Variants in GABPB1 observed in about 807,000 individuals in gnomAD.
The protein encoded by GABPB1 is GA binding protein transcription factor subunit beta 1.
A neutral mutation model predicts 45.9 loss-of-function variants in GABPB1; 15 were observed. The observed-to-expected ratio is 0.33, with a 90% CI of 0.22 to 0.50. GABPB1 has a LOEUF of 0.50. Among genes scored for constraint, GABPB1 ranks in the 20% least tolerant of loss-of-function variants. GABPB1 has a pLI of 0.98. For missense variants in GABPB1, 252 were observed against 457.5 expected (o/e 0.55, Z 4.10); for synonymous variants, 143 against 154.4 (o/e 0.93, Z 0.55).
chr15:50,281,198 T>C (rs527692547), intron 8 of GABPB1, among the ~76,000 whole-genome samples: 31 of 152,346 alleles, frequency 2.0e-4, no homozygotes, highest in African/African-American at 6.0e-4. Flanking sequence ...AGATTGAAAG[T>C]ATAATTAACA....
At chr15:50,306,933 A>T (rs528385667) in intron 2 of GABPB1, among the ~76,000 whole-genome samples, 1 of 152,228 alleles carries the variant, frequency 6.6e-6, no homozygotes, top group East Asian at 1.9e-4. Flanking sequence ...CCATTGAATG[A>T]GTAAACCACA....
At chr15:50,299,975 CCTGA>C (rs1205149110) in intron 6 of GABPB1, among the ~76,000 whole-genome samples, 1 of 151,902 alleles carries the variant, frequency 6.6e-6, no homozygotes, top group African/African-American at 2.4e-5. Flanking sequence ...GACCACCACA[CCTGA>C]CTAATTTTTA....
intron 1 of GABPB1, among the ~76,000 whole-genome samples, chr15:50,317,433 C>A (rs72738919): frequency 0.29 from 41,047 of 143,986 alleles, 7,146 homozygotes; most frequent in Middle Eastern, 0.43. Flanking sequence ...AAAAAAAAAA[C>A]CACTTGGAAA....
At chr15:50,346,331 C>G (rs1009180171) in intron 1 of GABPB1, 2 of 152,100 alleles carry the variant, frequency 1.3e-5, no homozygotes, top group African/African-American at 4.8e-5. Context: ...AATTGTTCAG[C>G]GTAAATTTAT....
At chr15:50,347,876 C>T (rs1005920260) in intron 1 of GABPB1, among the ~76,000 whole-genome samples, 2 of 151,854 alleles carry the variant, frequency 1.3e-5, no homozygotes, top group African/African-American at 2.4e-5. Flanking sequence ...GCCAACATGG[C>T]TAAACCCCGT....
intron 6 of GABPB1, 110 bp downstream of exon 6, chr15:50,300,679 A>G: frequency 1.5e-6 from 1 of 668,460 alleles, no homozygotes; most frequent in Non-Finnish European, 2.7e-6. Context: ...TCCTGAGCTC[A>G]GGCAATCCAC....
chr15:50,351,556 T>A (rs2048825022), intron 1 of GABPB1: 1 of 150,894 alleles, frequency 6.6e-6, no homozygotes, highest in South Asian at 2.1e-4. Flanking sequence ...TAAGCCTGGG[T>A]AACAGAGAAA....
chr15:50,341,456 C>G (rs2048374140), intron 1 of GABPB1, among the ~76,000 whole-genome samples: 1 of 151,932 alleles, frequency 6.6e-6, no homozygotes, highest in East Asian at 1.9e-4. Flanking sequence ...TCACTTGAAC[C>G]TGGGAGGTGA....
chr15:50,325,798 T>C (rs2047735077), intron 1 of GABPB1, among the ~76,000 whole-genome samples: 1 of 151,580 alleles, frequency 6.6e-6, no homozygotes, highest in South Asian at 2.1e-4. Flanking sequence ...CCCAAAGTGC[T>C]GGGATTACAG....
At chr15:50,309,025 T>C (rs572582692) in intron 2 of GABPB1, among the ~76,000 whole-genome samples, 97 of 152,236 alleles carry the variant, frequency 6.4e-4, no homozygotes, top group African/African-American at 2.3e-3. Flanking sequence ...AAAAATTTTG[T>C]TTTTTCATGA....
chr15:50,351,701 T>C (rs1309588693), intron 1 of GABPB1: 2 of 148,308 alleles, frequency 1.3e-5, no homozygotes, highest in African/African-American at 5.1e-5. Flanking sequence ...GACAGAAAGG[T>C]GCACTAGCCC....
chr15:50,311,259 A>G (rs1015083394), intron 1 of GABPB1, among the ~76,000 whole-genome samples: 7 of 152,292 alleles, frequency 4.6e-5, no homozygotes, highest in South Asian at 2.1e-4. Flanking sequence ...AGATTACTCA[A>G]TTATGTCATA....
At chr15:50,305,719 T>C (rs1001124745) in intron 2 of GABPB1, among the ~76,000 whole-genome samples, 8 of 152,222 alleles carry the variant, frequency 5.3e-5, no homozygotes, top group Non-Finnish European at 1.0e-4. Context: ...TACTTTTTTA[T>C]TTTTGTCTTC....
intron 1 of GABPB1, among the ~76,000 whole-genome samples, chr15:50,311,755 A>C: frequency 6.6e-6 from 1 of 152,196 alleles, no homozygotes; most frequent in East Asian, 1.9e-4. Flanking sequence ...ATGGGGCTTG[A>C]AAAAGTTATT....
At chr15:50,300,428 TGTTTTTG>T (rs1351294306) in intron 6 of GABPB1, among the ~76,000 whole-genome samples, 6,074 of 91,122 alleles carry the variant, frequency 0.067, 920 homozygotes, top group East Asian at 0.11. Context: ...AATCTGCAAC[TGTTTTTG>T]GTTTTTTTTT....
At chr15:50,282,457 G>A (rs182973383) in intron 8 of GABPB1, 208 of 332,024 alleles carry the variant, frequency 6.3e-4, no homozygotes, top group African/African-American at 4.2e-3. Flanking sequence ...GGGAGGCTGA[G>A]GTGGGAAGCT....
At chr15:50,317,247 T>C (rs1029570531) in intron 1 of GABPB1, among the ~76,000 whole-genome samples, 2 of 151,332 alleles carry the variant, frequency 1.3e-5, no homozygotes, top group Non-Finnish European at 2.9e-5. Context: ...AATAAAAAAA[T>C]TAAAAGAATT....
At position 50,302,799 on chromosome 15, in the gene GABPB1, C is replaced by T. The variant is rs1254844393; in HGVS notation, c.471+130G>A. On this transcript the variant is annotated intron_variant, in intron 4 of 8. Transcript: ENST00000380877. Reference sequence around the variant, plus strand: ...AAAGAGGAAGTGAAAGAGAAAAAGGCCTATCCAAAATAACTAAGTCCAAAA... The same window carrying T: ...AAAGAGGAAGTGAAAGAGAAAAAGGTCTATCCAAAATAACTAAGTCCAAAA... The T allele has an allele frequency of 3.3e-5, 20 of 612,482 alleles. No individual in the cohort carries two copies. In the South Asian group the frequency reaches 3.8e-4, roughly 12 times the overall value. 37.9% of individuals were successfully genotyped at this position (612,482 alleles called of 1,614,324 possible).
intron 6 of GABPB1, among the ~76,000 whole-genome samples, chr15:50,297,616 G>A (rs1490760707): frequency 2.6e-5 from 4 of 152,168 alleles, no homozygotes; most frequent in Admixed American, 2.6e-4. Flanking sequence ...AGGCCGAGAT[G>A]GACAGATCAG....
Sources: allele counts gnomAD v4.1 joint callset (sites outside exome capture counted in the v4.1 genomes callset), GRCh38; gene constraint gnomAD v4.1.1; transcripts MANE v1.5; gene names NCBI Gene and HGNC (gene_info 2026-07-23, HGNC 2026-07-21).